Variants in ANO3 observed in about 807,000 individuals in gnomAD.
The protein encoded by ANO3 is anoctamin-3.
ANO3 carries 99 observed loss-of-function variants against 144.8 expected under a neutral mutation model. That is an observed-to-expected ratio of 0.68 (90% CI 0.58 to 0.81). The LOEUF (loss-of-function observed/expected upper bound fraction) is 0.81. Among genes scored for constraint, ANO3 ranks in the 30% least tolerant of loss-of-function variants. The pLI is 0.00. For missense variants in ANO3, 905 were observed against 1,202.2 expected (o/e 0.75, Z 3.66); for synonymous variants, 414 against 392.6 (o/e 1.05, Z -0.64).
chr11:26,580,205 G>C (rs1485673675), intron 14 of ANO3, among the ~76,000 whole-genome samples: 3 of 151,882 alleles, frequency 2.0e-5, no homozygotes, highest in Non-Finnish European at 4.4e-5. Flanking sequence ...GGCTATATTT[G>C]TCTGCAAATT....
intron 3 of ANO3, among the ~76,000 whole-genome samples, chr11:26,459,020 GTGACAAGTGAACAGAACCCTGGCTAAA>G (rs1859269959): frequency 6.6e-6 from 1 of 152,108 alleles, no homozygotes; most frequent in Non-Finnish European, 1.5e-5. Flanking sequence ...CTCTGATGAG[GTGACAAGTGAACAGAACCCTGGCTAAA>G]ACAGATATTG....
intron 12 of ANO3, among the ~76,000 whole-genome samples, chr11:26,552,742 A>T (rs1206611331): frequency 6.6e-6 from 1 of 152,106 alleles, no homozygotes; most frequent in Non-Finnish European, 1.5e-5. Flanking sequence ...GTGCTGCAAA[A>T]AAAACCCAAC....
At chr11:26,427,678 G>C (rs1857958492) in intron 1 of ANO3, among the ~76,000 whole-genome samples, 1 of 152,126 alleles carries the variant, frequency 6.6e-6, no homozygotes, top group Non-Finnish European at 1.5e-5. Context: ...AATACAACTA[G>C]TAATACTAGT....
chr11:26,527,965 C>A (rs994906908), intron 7 of ANO3, among the ~76,000 whole-genome samples: 1 of 152,062 alleles, frequency 6.6e-6, no homozygotes, highest in Non-Finnish European at 1.5e-5. Flanking sequence ...TTCCTTTGAC[C>A]CTTTAATCCA....
chr11:26,325,158 G>A (rs1176599574), intron 1 of ANO3, among the ~76,000 whole-genome samples: 14 of 152,106 alleles, frequency 9.2e-5, no homozygotes, highest in Admixed American at 9.2e-4. Context: ...CCACGAATAT[G>A]GAAGACTTGA....
chr11:26,515,065 CTTGG>C (rs1214394834), intron 5 of ANO3, among the ~76,000 whole-genome samples: 3 of 151,848 alleles, frequency 2.0e-5, no homozygotes, highest in Admixed American at 1.3e-4. Context: ...TATGTGTAAC[CTTGG>C]TTGGTCTGAA....
At chr11:26,541,451 A>T (rs981110230) in intron 10 of ANO3, among the ~76,000 whole-genome samples, 12 of 152,322 alleles carry the variant, frequency 7.9e-5, no homozygotes, top group Middle Eastern at 3.4e-3. Context: ...TAATAAAAAA[A>T]GAGAGAAGAA....
chr11:26,289,738 GTATATATATTCTATATGTGTA>G (rs1374813444), intron 1 of ANO3, among the ~76,000 whole-genome samples: 4 of 143,556 alleles, frequency 2.8e-5, no homozygotes, highest in Non-Finnish European at 6.0e-5. Context: ...TTCTATATGT[GTATATATATTCTATATGTGTA>G]TATATATGTA....
At chr11:26,625,708 T>C (rs2133013585) in intron 18 of ANO3, among the ~76,000 whole-genome samples, 2 of 152,274 alleles carry the variant, frequency 1.3e-5, no homozygotes, top group South Asian at 4.1e-4. Flanking sequence ...ACAAACTTGA[T>C]TTTCTTCTTA....
upstream of ANO3, among the ~76,000 whole-genome samples, chr11:26,327,164 T>A (rs1854906132): frequency 6.6e-6 from 1 of 152,218 alleles, no homozygotes; most frequent in African/African-American, 2.4e-5. Context: ...AGCCATTCAT[T>A]CAGCAAATAT....
chr11:26,236,696 T>C (rs1484676252), intron 1 of ANO3, among the ~76,000 whole-genome samples: 1 of 151,606 alleles, frequency 6.6e-6, no homozygotes, highest in East Asian at 2.0e-4. Flanking sequence ...CGGGCGCCTG[T>C]AGTCCCAGCT....
intron 1 of ANO3, among the ~76,000 whole-genome samples, chr11:26,222,606 G>T (rs936052180): frequency 4.6e-5 from 7 of 152,194 alleles, no homozygotes; most frequent in Non-Finnish European, 8.8e-5. Flanking sequence ...GGTTTCTGCC[G>T]GAGAATCCAG....
intron 3 of ANO3, among the ~76,000 whole-genome samples, chr11:26,455,782 A>G (rs1405278526): frequency 1.3e-5 from 2 of 150,730 alleles, no homozygotes. Flanking sequence ...CCTAAGCCAA[A>G]AGAACAAAGC....
chr11:26,498,967 A>T (rs1484841574), intron 4 of ANO3, among the ~76,000 whole-genome samples: 1 of 151,962 alleles, frequency 6.6e-6, no homozygotes, highest in Non-Finnish European at 1.5e-5. Context: ...TTGTACTGTC[A>T]TATTCTATTG....
chr11:26,406,503 T>C (rs890786732), intron 1 of ANO3, among the ~76,000 whole-genome samples: 1 of 151,812 alleles, frequency 6.6e-6, no homozygotes, highest in Non-Finnish European at 1.5e-5. Flanking sequence ...AATCAAAAGG[T>C]CCTTGGAAAA....
chr11:26,380,861 A>G (rs11029542), intron 1 of ANO3, among the ~76,000 whole-genome samples: 21,819 of 152,058 alleles, frequency 0.14, 1,700 homozygotes, highest in South Asian at 0.27. Context: ...GTGTGCCTGT[A>G]ATCCCAGCTA....
chr11:26,348,074 T>C (rs982159782), intron 1 of ANO3, among the ~76,000 whole-genome samples: 1 of 152,230 alleles, frequency 6.6e-6, no homozygotes, highest in Non-Finnish European at 1.5e-5. Context: ...ATGTCTTCCC[T>C]ATTTCTTCTA....
chr11:26,564,730 C>CATATATAT (rs1850477575), intron 14 of ANO3, among the ~76,000 whole-genome samples: 1 of 24,014 alleles, frequency 4.2e-5, no homozygotes, highest in Non-Finnish European at 7.9e-5. Flanking sequence ...CACACACACA[C>CATATATAT]ACATATATAT....
intron 1 of ANO3, among the ~76,000 whole-genome samples, chr11:26,435,532 A>G (rs1420002634): frequency 3.3e-5 from 5 of 152,204 alleles, no homozygotes; most frequent in African/African-American, 1.2e-4. Flanking sequence ...TAGGGATTCC[A>G]GTGATTCATA....
Sources: allele counts gnomAD v4.1 joint callset (sites outside exome capture counted in the v4.1 genomes callset), GRCh38; gene constraint gnomAD v4.1.1; transcripts MANE v1.5; gene names NCBI Gene and HGNC (gene_info 2026-07-23, HGNC 2026-07-21).